Variants in SNX29 observed in about 807,000 individuals in gnomAD.
SNX29 encodes the protein sorting nexin 29.
SNX29 carries 78 observed loss-of-function variants against 102.1 expected under a neutral mutation model. That is an observed-to-expected ratio of 0.76 (90% CI 0.64 to 0.92). The LOEUF is 0.92. Ranked by LOEUF, SNX29 falls within the 40% of genes least tolerant of loss-of-function variation. The pLI is 0.00. For missense variants in SNX29, 1,280 were observed against 1,061.7 expected (o/e 1.21, Z -2.86); for synonymous variants, 580 against 414.5 (o/e 1.40, Z -4.85).
intron 1 of SNX29, among the ~76,000 whole-genome samples, chr16:11,986,528 T>C (rs1012224429): frequency 2.0e-5 from 3 of 152,252 alleles, no homozygotes; most frequent in African/African-American, 7.2e-5. Context: ...TATATATGCA[T>C]TTTGCATAAT....
intron 15 of SNX29, among the ~76,000 whole-genome samples, chr16:12,301,759 A>G (rs2080180759): frequency 6.6e-6 from 1 of 152,234 alleles, no homozygotes; most frequent in African/African-American, 2.4e-5. Flanking sequence ...AGACTGTGAC[A>G]TTAACATTCT....
chr16:12,284,813 C>T (rs1005494357), intron 15 of SNX29, among the ~76,000 whole-genome samples: 2 of 152,152 alleles, frequency 1.3e-5, no homozygotes, highest in African/African-American at 4.8e-5. Flanking sequence ...CAACCTCTGC[C>T]TCCCAGGTTC....
chr16:12,545,569 G>C (rs2077557508), intron 20 of SNX29: 1 of 152,248 alleles, frequency 6.6e-6, no homozygotes, highest in African/African-American at 2.4e-5. Flanking sequence ...CGTTTGAGTA[G>C]ATGGAGGAAC....
At chr16:12,418,181 T>G (rs1042219286) in intron 18 of SNX29, among the ~76,000 whole-genome samples, 1 of 152,210 alleles carries the variant, frequency 6.6e-6, no homozygotes, top group African/African-American at 2.4e-5. Flanking sequence ...AGATTTAAAA[T>G]TGATGTTAAT....
intron 20 of SNX29, among the ~76,000 whole-genome samples, chr16:12,539,066 A>G (rs542687834): frequency 1.3e-5 from 2 of 152,344 alleles, no homozygotes; most frequent in Admixed American, 6.5e-5. Context: ...GTATTCTGGG[A>G]TAGGGCCAAG....
At position 12,571,956 on chromosome 16, in the gene SNX29, T is replaced by C; in HGVS notation, c.*3327T>C. On this transcript the variant is annotated 3_prime_UTR_variant, in exon 21 of 21. Transcript: ENST00000566228. ...AAGACACTTTCAGGGAAGAGGCTCT[T>C]ACAGTCTATGGTGGTAGCCATCTTC... 9.4e-7 allele frequency: 1 copy of C among 1,061,716 alleles called. No homozygotes were observed. The highest frequency in any genetic ancestry group is 1.1e-6 in the Non-Finnish European group (1 of 877,006). 65.8% of individuals were successfully genotyped at this position (1,061,716 alleles called of 1,614,324 possible). A position where few individuals can be genotyped will look rare whatever the true frequency, so the allele number is the denominator to read the frequency against.
intron 15 of SNX29, among the ~76,000 whole-genome samples, chr16:12,353,292 C>A (rs941537873): frequency 6.6e-6 from 1 of 152,190 alleles, no homozygotes; most frequent in Admixed American, 6.5e-5. Flanking sequence ...CTTTCTCCAT[C>A]TGGCCCCTGG....
chr16:12,393,295 C>A (rs2083595733), intron 16 of SNX29, among the ~76,000 whole-genome samples: 1 of 151,314 alleles, frequency 6.6e-6, no homozygotes, highest in African/African-American at 2.4e-5. Context: ...CTAACTTATC[C>A]TTCCCATGCA....
intron 14 of SNX29, among the ~76,000 whole-genome samples, chr16:12,249,678 A>T (rs2078365183): frequency 6.6e-6 from 1 of 152,212 alleles, no homozygotes; most frequent in South Asian, 2.1e-4. Flanking sequence ...TGTTTTTCTC[A>T]TGGGCAAAAT....
intron 20 of SNX29, among the ~76,000 whole-genome samples, chr16:12,555,919 G>T (rs115091368): frequency 0.016 from 2,379 of 152,128 alleles, 58 homozygotes; most frequent in African/African-American, 0.054. Context: ...TTATTTTTGC[G>T]TATGGTGTCA....
At chr16:12,376,818 C>T (rs1035298521) in intron 16 of SNX29, among the ~76,000 whole-genome samples, 14 of 150,754 alleles carry the variant, frequency 9.3e-5, no homozygotes, top group African/African-American at 3.2e-4. Context: ...TCTTCAATAA[C>T]GTACTTTGTT....
Position 12,572,737 on chromosome 16 carries a change from A to G in SNX29, c.*4108A>G, listed in dbSNP as rs549508292. On this transcript the variant is annotated 3_prime_UTR_variant, in exon 21 of 21. Transcript: ENST00000566228. ...TTGGCACAGAACTGATGGCAAAGGA[A>G]GGGCTGGGTTTTCAGCTTCTGGGAC... The G allele has an allele frequency of 1.6e-5, 17 of 1,063,768 alleles. No homozygotes were observed. In the African/African-American group the frequency reaches 2.6e-4, roughly 16 times the overall value. 65.9% of individuals were successfully genotyped at this position (1,063,768 alleles called of 1,614,324 possible).
At chr16:12,209,309 C>T (rs1253414797) in intron 14 of SNX29, among the ~76,000 whole-genome samples, 2 of 152,176 alleles carry the variant, frequency 1.3e-5, no homozygotes, top group Admixed American at 6.5e-5. Context: ...CTTACCTTAG[C>T]CTCCCAGATA....
At chr16:12,562,859 C>T (rs146401462) in intron 20 of SNX29, among the ~76,000 whole-genome samples, 69 of 152,248 alleles carry the variant, frequency 4.5e-4, no homozygotes, top group East Asian at 7.7e-4. Context: ...CGACAGCTCC[C>T]GGTCTGTGCT....
chr16:12,397,179 C>T (rs1328599251), intron 16 of SNX29, among the ~76,000 whole-genome samples: 2 of 152,200 alleles, frequency 1.3e-5, no homozygotes, highest in Non-Finnish European at 2.9e-5. Context: ...AGGCATGAGC[C>T]GCTTCACCCA....
chr16:12,380,746 CCCACCAT>C, intron 16 of SNX29, among the ~76,000 whole-genome samples: 1 of 126,658 alleles, frequency 7.9e-6, no homozygotes, highest in Non-Finnish European at 1.7e-5. Flanking sequence ...CATCCATCCA[CCCACCAT>C]CCATCCACCC....
chr16:12,295,664 C>G (rs1032006334), intron 15 of SNX29, among the ~76,000 whole-genome samples: 1 of 152,220 alleles, frequency 6.6e-6, no homozygotes, highest in Non-Finnish European at 1.5e-5. Context: ...GTGACAAGTA[C>G]TTTAGAAAAG....
At chr16:12,008,874 T>C (rs946288091) in intron 3 of SNX29, among the ~76,000 whole-genome samples, 1 of 152,014 alleles carries the variant, frequency 6.6e-6, no homozygotes, top group African/African-American at 2.4e-5. Context: ...CCCTAGTAGC[T>C]GGGACTATAG....
chr16:12,391,447 C>G (rs1354239836), intron 16 of SNX29, among the ~76,000 whole-genome samples: 1 of 152,200 alleles, frequency 6.6e-6, no homozygotes, highest in Non-Finnish European at 1.5e-5. Flanking sequence ...AAGGATAATT[C>G]AGTCGTTCTT....
Sources: gnomAD v4.1 joint callset for allele counts (sites outside exome capture counted in the v4.1 genomes callset) on GRCh38, gnomAD v4.1.1 for gene constraint, MANE v1.5 for transcripts, NCBI Gene and HGNC (gene_info 2026-07-23, HGNC 2026-07-21) for gene names.